Variants in VWA8 observed in about 807,000 individuals in gnomAD.
VWA8 encodes the protein von Willebrand factor A domain containing 8.
In VWA8, 221 loss-of-function variants were observed where a neutral mutation model predicts 241.5. The ratio of observed to expected loss-of-function variants is 0.91; its 90% CI spans 0.82 to 1.02. The LOEUF (loss-of-function observed/expected upper bound fraction) is 1.02. Among genes scored for constraint, VWA8 ranks in the 50% least tolerant of loss-of-function variants. VWA8 has a pLI of 0.00. For synonymous variants in VWA8, 852 were observed against 827.1 expected, an observed-to-expected ratio of 1.03 and a Z score of -0.52; for missense variants, 2,322 against 2,328.7, an observed-to-expected ratio of 1.00 and a Z score of 0.06.
At chr13:41,720,674 G>A (rs148119551) in intron 25 of VWA8, among the ~76,000 whole-genome samples, 2 of 152,074 alleles carry the variant, frequency 1.3e-5, no homozygotes, top group East Asian at 3.9e-4. Flanking sequence ...TTGTATCCTT[G>A]GATCAACATC....
At chr13:41,936,470 G>T (rs973054558) in intron 2 of VWA8, among the ~76,000 whole-genome samples, 13 of 152,236 alleles carry the variant, frequency 8.5e-5, no homozygotes, top group African/African-American at 2.9e-4. Flanking sequence ...TTAAAAATGT[G>T]ATTTTTAAGT....
chr13:41,654,800 G>A (rs1486534403), intron 37 of VWA8, among the ~76,000 whole-genome samples: 1 of 152,160 alleles, frequency 6.6e-6, no homozygotes, highest in African/African-American at 2.4e-5. Flanking sequence ...CAGACTGAGG[G>A]ATGTTCTACA....
At chr13:41,755,053 A>T (rs1278797225) in intron 21 of VWA8, among the ~76,000 whole-genome samples, 1 of 152,084 alleles carries the variant, frequency 6.6e-6, no homozygotes, top group Non-Finnish European at 1.5e-5. Context: ...GCTATTGTAA[A>T]TAATGCTGCA....
At chr13:41,595,715 T>C (rs1253563438) in intron 40 of VWA8, among the ~76,000 whole-genome samples, 3 of 152,176 alleles carry the variant, frequency 2.0e-5, no homozygotes, top group Non-Finnish European at 2.9e-5. Context: ...GCTGCAACGG[T>C]ATTCCATTGT....
chr13:41,832,222 C>A (rs1457434847), intron 13 of VWA8, among the ~76,000 whole-genome samples: 1 of 152,238 alleles, frequency 6.6e-6, no homozygotes, highest in Non-Finnish European at 1.5e-5. Flanking sequence ...AGCCACTACA[C>A]CTGGCCGGCA....
chr13:41,860,040 C>T (rs1872937881), intron 12 of VWA8, among the ~76,000 whole-genome samples: 3 of 152,266 alleles, frequency 2.0e-5, no homozygotes, highest in South Asian at 4.1e-4. Flanking sequence ...CTGTGTCCCA[C>T]AGAGGAGTCT....
intron 18 of VWA8, among the ~76,000 whole-genome samples, chr13:41,784,356 C>T (rs1369643372): frequency 6.6e-6 from 1 of 152,026 alleles, no homozygotes; most frequent in African/African-American, 2.4e-5. Flanking sequence ...AACTAACCTA[C>T]CACAGAACTC....
At chr13:41,734,025 T>A (rs916732408) in intron 21 of VWA8, among the ~76,000 whole-genome samples, 2 of 152,208 alleles carry the variant, frequency 1.3e-5, no homozygotes, top group African/African-American at 4.8e-5. Context: ...AGAGTAAGTC[T>A]AATTCTCTTA....
At chr13:41,654,200 T>G (rs961296060) in intron 37 of VWA8, among the ~76,000 whole-genome samples, 1 of 152,116 alleles carries the variant, frequency 6.6e-6, no homozygotes, top group African/African-American at 2.4e-5. Context: ...GCAAGAATCA[T>G]GAACAGATGA....
chr13:41,739,856 TG>T (rs58131787), intron 21 of VWA8, among the ~76,000 whole-genome samples: 9,846 of 63,710 alleles, frequency 0.15, 1,066 homozygotes, highest in South Asian at 0.28. Context: ...TTGTTTTTTT[TG>T]TTTTTTTTTT....
intron 34 of VWA8, among the ~76,000 whole-genome samples, chr13:41,688,034 A>AT (rs1030603261): frequency 1.8e-3 from 269 of 149,992 alleles, no homozygotes; most frequent in Non-Finnish European, 2.7e-3. Flanking sequence ...AAAAGTCCCA[A>AT]TTTTTTTTTT....
chr13:41,715,115 A>G (rs2045340132), intron 26 of VWA8, among the ~76,000 whole-genome samples: 1 of 151,916 alleles, frequency 6.6e-6, no homozygotes, highest in African/African-American at 2.4e-5. Context: ...ATGCAATAAT[A>G]TTATATATAT....
At chr13:41,724,932 G>A (rs183956933) in intron 24 of VWA8, among the ~76,000 whole-genome samples, 129 of 152,262 alleles carry the variant, frequency 8.5e-4, no homozygotes, top group African/African-American at 2.9e-3. Flanking sequence ...ACCGAAGCAC[G>A]GTGTGACTGC....
intron 37 of VWA8, among the ~76,000 whole-genome samples, chr13:41,620,601 G>A (rs2044650657): frequency 6.6e-6 from 1 of 151,920 alleles, no homozygotes. Flanking sequence ...TCTCTTGTGG[G>A]CATTTAGTGC....
At chr13:41,655,538 T>C (rs2044898663) in intron 37 of VWA8, among the ~76,000 whole-genome samples, 1 of 152,120 alleles carries the variant, frequency 6.6e-6, no homozygotes, top group Non-Finnish European at 1.5e-5. Flanking sequence ...GTTTTAACAA[T>C]GTAATTATAT....
intron 37 of VWA8, among the ~76,000 whole-genome samples, chr13:41,642,428 AG>A (rs1249709748): frequency 1.3e-5 from 2 of 151,858 alleles, no homozygotes; most frequent in Non-Finnish European, 2.9e-5. Context: ...GCATGGTGGC[AG>A]GCCCCTATAA....
chr13:41,762,654 G>A (rs528155503), intron 20 of VWA8, among the ~76,000 whole-genome samples: 90 of 152,198 alleles, frequency 5.9e-4, no homozygotes, highest in African/African-American at 2.0e-3. Context: ...AAGCCCAATA[G>A]GGAAGCAGGT....
At chr13:41,862,500 A>C (rs1036541968) in intron 12 of VWA8, among the ~76,000 whole-genome samples, 2 of 152,242 alleles carry the variant, frequency 1.3e-5, no homozygotes, top group Non-Finnish European at 2.9e-5. Flanking sequence ...TCAGCAAAGT[A>C]AGCAGACAAC....
chr13:41,908,189 G>T (rs557217264), intron 3 of VWA8, among the ~76,000 whole-genome samples: 1 of 152,256 alleles, frequency 6.6e-6, no homozygotes, highest in South Asian at 2.1e-4. Context: ...TAATCAGCTG[G>T]GCGCTGTGGC....
Sources: allele counts gnomAD v4.1 joint callset (sites outside exome capture counted in the v4.1 genomes callset), GRCh38; gene constraint gnomAD v4.1.1; transcripts MANE v1.5; gene names NCBI Gene and HGNC (gene_info 2026-07-23, HGNC 2026-07-21).